Variants in MYO6 observed in about 807,000 individuals in gnomAD.
MYO6 encodes myosin VI, also known as unconventional myosin-VI.
A neutral mutation model predicts 178.7 loss-of-function variants in MYO6; 74 were observed. The observed-to-expected ratio is 0.41, with a 90% CI of 0.34 to 0.50. The LOEUF (loss-of-function observed/expected upper bound fraction) is 0.50. MYO6 is among the 20% of genes least tolerant of loss of function. MYO6 has a pLI of 0.09. For synonymous variants in MYO6, 477 were observed against 504.6 expected (o/e 0.95, Z 0.73); for missense variants, 1,330 against 1,547.4 (o/e 0.86, Z 2.36).
intron 25 of MYO6, among the ~76,000 whole-genome samples, chr6:75,888,752 GTTC>G (rs1211190827): frequency 2.6e-5 from 4 of 151,898 alleles, no homozygotes; most frequent in South Asian, 4.1e-4. Context: ...CATTTTTACA[GTTC>G]TTATCATAAT....
At chr6:75,907,564 T>C (rs1489465379) in intron 30 of MYO6, 41 bp from the exon 31 acceptor site, 1 of 1,481,178 alleles carries the variant, frequency 6.8e-7, no homozygotes, top group Non-Finnish European at 9.4e-7. Context: ...GTTTTCTTCA[T>C]GTTTCTGGTT....
intron 13 of MYO6, among the ~76,000 whole-genome samples, chr6:75,858,237 G>T (rs1923586): frequency 0.06 from 9,111 of 152,188 alleles, 356 homozygotes; most frequent in Non-Finnish European, 0.084. Context: ...AGATTATGCA[G>T]AAAAAAATCT....
chr6:75,833,007 G>T, intron 6 of MYO6, 60 bp downstream of exon 6: 1 of 1,180,806 alleles, frequency 8.5e-7, no homozygotes, highest in Non-Finnish European at 1.3e-6. Flanking sequence ...CCCCCCTTGA[G>T]ATAGGGTCTT....
chr6:75,870,555 A>G (rs1167076004), intron 18 of MYO6, 92 bp from the exon 19 acceptor site: 1 of 982,558 alleles, frequency 1.0e-6, no homozygotes, highest in Non-Finnish European at 1.6e-6. Context: ...ATTGCATGTT[A>G]TTTTATTCCA....
At chr6:75,816,806 CTATT>C (rs2150163960) in intron 1 of MYO6, among the ~76,000 whole-genome samples, 1 of 152,222 alleles carries the variant, frequency 6.6e-6, no homozygotes, top group African/African-American at 2.4e-5. Context: ...ATTCCTATGA[CTATT>C]TAATTTATTG....
At chr6:75,819,499 A>G (rs930898651) in intron 2 of MYO6, among the ~76,000 whole-genome samples, 76 of 152,342 alleles carry the variant, frequency 5.0e-4, no homozygotes, top group African/African-American at 1.7e-3. Flanking sequence ...GTGGAAGTGT[A>G]GATGAGGGAG....
intron 23 of MYO6, 126 bp downstream of exon 23, chr6:75,881,944 G>A (rs1778065264): frequency 2.8e-6 from 3 of 1,090,558 alleles, no homozygotes; most frequent in Non-Finnish European, 2.8e-6. Context: ...CTGGGTCCCA[G>A]GTTCCTATTT....
intron 3 of MYO6, among the ~76,000 whole-genome samples, chr6:75,823,769 G>A (rs796811813): frequency 1.2e-4 from 19 of 152,312 alleles, no homozygotes; most frequent in African/African-American, 3.8e-4. Flanking sequence ...ATGTTGTTAG[G>A]AGGCTGTCTG....
intron 1 of MYO6, among the ~76,000 whole-genome samples, chr6:75,754,869 C>T (rs1435311243): frequency 6.6e-6 from 1 of 152,148 alleles, no homozygotes; most frequent in East Asian, 1.9e-4. Flanking sequence ...GTCCTTAAAA[C>T]AACTTGATGA....
In MYO6 at chr6:75,914,256, C is replaced by A. The variant is rs1780985804; in HGVS notation, c.3633C>A (p.Asp1211Glu). The A allele has an allele frequency of 6.2e-7, 1 of 1,614,228 alleles. No individual in the cohort carries two copies. The highest frequency in any genetic ancestry group is 8.5e-7 in the Non-Finnish European group (1 of 1,180,034). Reference sequence around the variant, plus strand: ...CCCGGCAAATGGAACTCCATCCTGACAAGCCACCCATCCTACTTGTGGCTG... The same window carrying A: ...CCCGGCAAATGGAACTCCATCCTGAAAAGCCACCCATCCTACTTGTGGCTG... ...WIARQMELHP[D>E]KPPILLVAGK... Residue 1211 changes from aspartate to glutamate, a missense_variant, in exon 34 of 35, where the codon GAC (aspartate) becomes GAA (glutamate). Asp to Glu is a conservative substitution (Grantham distance 45). Coordinates refer to ENST00000369977, the MANE Select transcript of MYO6 (RefSeq NM_004999.4).
At chr6:75,858,077 T>C (rs574149017) in intron 13 of MYO6, among the ~76,000 whole-genome samples, 1 of 141,168 alleles carries the variant, frequency 7.1e-6, no homozygotes, top group South Asian at 2.3e-4. Context: ...TTATTATTAA[T>C]TTTTTTTCCT....
intron 4 of MYO6, 93 bp from the exon 5 acceptor site, chr6:75,830,323 A>C: frequency 8.1e-7 from 1 of 1,237,220 alleles, no homozygotes; most frequent in Non-Finnish European, 1.2e-6. Flanking sequence ...AGATAATTGA[A>C]ATTTTTTGTA....
rs770000476 is a variant in MYO6 at position 75,914,995 on chromosome 6, CAG to C, written c.3844_3845del (p.Leu1283ValfsTer39). ...ARPTYATAML[Q>X]SLLK ...GCCCACCTATGCAACAGCCATGCTG[CAG>C]AGTCTGTTAAAGTAGATGTTGCACA... On this transcript the variant is annotated frameshift_variant, in exon 35 of 35. Coordinates refer to ENST00000369977, the MANE Select transcript of MYO6 (RefSeq NM_004999.4). LOFTEE classifies it high-confidence loss of function. The C allele has an allele frequency of 1.2e-5, 20 of 1,612,826 alleles. No individual in the cohort carries two copies. In the East Asian group the frequency reaches 4.2e-4, roughly 34 times the overall value.
intron 1 of MYO6, among the ~76,000 whole-genome samples, chr6:75,795,757 C>CTG (rs1768750908): frequency 6.6e-6 from 1 of 152,120 alleles, no homozygotes; most frequent in Non-Finnish European, 1.5e-5. Flanking sequence ...TGTTATATTA[C>CTG]TGTATTTCTT....
intron 23 of MYO6, among the ~76,000 whole-genome samples, chr6:75,885,485 G>A (rs1162916108): frequency 2.7e-5 from 4 of 150,696 alleles, no homozygotes; most frequent in Admixed American, 6.6e-5. Context: ...GTCTTGCTGT[G>A]TCACCCAGGC....
chr6:75,793,305 TA>T (rs1768429618), intron 1 of MYO6, among the ~76,000 whole-genome samples: 1 of 152,114 alleles, frequency 6.6e-6, no homozygotes, highest in Non-Finnish European at 1.5e-5. Context: ...GATTGAGGCT[TA>T]AAAAATGATT....
intron 2 of MYO6, among the ~76,000 whole-genome samples, chr6:75,821,274 C>A (rs1771843838): frequency 6.6e-6 from 1 of 152,158 alleles, no homozygotes; most frequent in Non-Finnish European, 1.5e-5. Context: ...CAGAGCTAAA[C>A]CCTGAAGTCT....
At chr6:75,798,162 T>G (rs183804222) in intron 1 of MYO6, among the ~76,000 whole-genome samples, 1 of 152,208 alleles carries the variant, frequency 6.6e-6, no homozygotes, top group Non-Finnish European at 1.5e-5. Context: ...TTTTTATATA[T>G]GGTGAAAGGT....
chr6:75,830,486 C>T lies in MYO6; in HGVS notation c.332C>T (p.Ala111Val). Residue 111 changes from alanine to valine, a missense_variant, in exon 5 of 35, where the codon GCA (alanine) becomes GTA (valine). Transcript: ENST00000369977. ...ATACCTAAAATATATTCTTCAGAAG[C>T]AATAAAGTCATATCAAGGAAAATCT... ...FDIPKIYSSE[A>V]IKSYQGKSLG... 6.2e-7 allele frequency: 1 copy of T among 1,611,872 alleles called. No homozygotes were observed. Among genetic ancestry groups the T allele is most frequent in the Non-Finnish European group, 8.5e-7 (1 of 1,178,210 alleles).
Sources: gnomAD v4.1 joint callset for allele counts (sites outside exome capture counted in the v4.1 genomes callset) on GRCh38, gnomAD v4.1.1 for gene constraint, MANE v1.5 for transcripts, NCBI Gene and HGNC (gene_info 2026-07-23, HGNC 2026-07-21) for gene names.